DNAH5: variants seen among roughly 807,000 people sequenced by gnomAD.
DNAH5 encodes dynein axonemal heavy chain 5.
Under a neutral mutation model 518.2 loss-of-function variants are expected in DNAH5, and 372 were observed. That is an observed-to-expected ratio of 0.72 (90% confidence interval 0.66 to 0.78). DNAH5 has a LOEUF of 0.78. Among genes scored for constraint, DNAH5 ranks in the 30% least tolerant of loss-of-function variants. DNAH5 has a pLI of 0.00. For missense variants in DNAH5, 5,523 were observed against 5,687.0 expected, an observed-to-expected ratio of 0.97 and a Z score of 0.93; for synonymous variants, 2,039 against 2,025.9, an observed-to-expected ratio of 1.01 and a Z score of -0.17.
At chr5:13,847,155 T>A (rs564196782) in intron 31 of DNAH5, among the ~76,000 whole-genome samples, 1 of 152,268 alleles carries the variant, frequency 6.6e-6, no homozygotes, top group Admixed American at 6.5e-5. Flanking sequence ...TACGATCTGA[T>A]CTGTGTGAAG....
rs766264642 is a variant in DNAH5, at chr5:13,902,104, G to T, written c.1679C>A (p.Ala560Glu). The stretch of plus-strand genomic sequence containing the variant: ...AGCTTGATTTGTGTTTTGAATCTTT[G>T]CAAATGTAACATCCATGAACTTCCG... ...ELRKFMDVTF[A>E]KIQNTNQALR... is the part of the protein sequence containing the mutation. The change falls in exon 13 of 79, where the codon GCA becomes GAA. Residue 560 changes from alanine to glutamate, a missense_variant. Physicochemically the swap from Ala to Glu is moderately radical, Grantham distance 107. Around this residue, in one of 3 missense-constraint regions of DNAH5, gnomAD observed 5,121 missense variants for 5,223.3 expected, o/e 0.98. Transcript: ENST00000265104. The T allele has an allele frequency of 6.2e-7, 1 of 1,609,662 alleles. No individual in the cohort carries two copies. The highest frequency in any genetic ancestry group is 1.7e-5 in the Admixed American group (1 of 59,752).
chr5:13,778,636 A>T (rs1204370697), intron 53 of DNAH5, among the ~76,000 whole-genome samples: 1 of 151,564 alleles, frequency 6.6e-6, no homozygotes, highest in African/African-American at 2.4e-5. Flanking sequence ...AAAGAGGAAA[A>T]CATCTCACCC....
At chr5:13,765,011 T>G (rs2126756825) in intron 59 of DNAH5, among the ~76,000 whole-genome samples, 1 of 152,352 alleles carries the variant, frequency 6.6e-6, no homozygotes, top group South Asian at 2.1e-4. Context: ...TTGCTAATTC[T>G]TAGACTAAAT....
intron 74 of DNAH5, 109 bp from the exon 75 acceptor site, chr5:13,714,729 G>C (rs748238895): frequency 2.9e-5 from 30 of 1,021,106 alleles, no homozygotes; most frequent in Middle Eastern, 3.0e-4. Flanking sequence ...ATTTACTTAA[G>C]TCTTATTGGT....
intron 78 of DNAH5, among the ~76,000 whole-genome samples, chr5:13,697,682 C>G (rs1741560924): frequency 6.6e-6 from 1 of 152,162 alleles, no homozygotes; most frequent in African/African-American, 2.4e-5. Context: ...CTTTGTTATC[C>G]ACCTACACAC....
At chr5:13,802,011 A>C (rs961086352) in intron 47 of DNAH5, among the ~76,000 whole-genome samples, 3 of 152,164 alleles carry the variant, frequency 2.0e-5, no homozygotes, top group Admixed American at 6.5e-5. Context: ...TGAAATATTG[A>C]TTTAGATGAG....
chr5:13,891,226 A>G (rs944485792), intron 16 of DNAH5, 105 bp from the exon 17 acceptor site: 4 of 1,222,524 alleles, frequency 3.3e-6, no homozygotes, highest in Admixed American at 1.8e-5. Context: ...AGCTTTAAAG[A>G]TTCTCAGTTA....
At chr5:13,825,591 G>A (rs1007068202) in intron 38 of DNAH5, among the ~76,000 whole-genome samples, 9 of 152,172 alleles carry the variant, frequency 5.9e-5, no homozygotes, top group Non-Finnish European at 1.3e-4. Flanking sequence ...ATTACACTAA[G>A]TAAAATATGG....
chr5:13,965,615 A>G (rs186352055), intron 1 of DNAH5, among the ~76,000 whole-genome samples: 1 of 152,300 alleles, frequency 6.6e-6, no homozygotes, highest in Admixed American at 6.5e-5. Flanking sequence ...TCTGACAGTT[A>G]TTCAGTGGCA....
chr5:13,713,557 T>C (rs183937020), intron 75 of DNAH5, among the ~76,000 whole-genome samples: 20 of 149,422 alleles, frequency 1.3e-4, no homozygotes, highest in Non-Finnish European at 2.1e-4. Flanking sequence ...CTGGATGAGA[T>C]TGAAGACTAT....
intron 35 of DNAH5, among the ~76,000 whole-genome samples, chr5:13,837,763 C>T (rs1191581269): frequency 1.5e-5 from 2 of 130,186 alleles, no homozygotes; most frequent in African/African-American, 5.9e-5. Context: ...AGTGCGGTGG[C>T]ATGATCTTGT....
At chr5:13,979,858 T>C (rs953365915) in intron 1 of DNAH5, among the ~76,000 whole-genome samples, 4 of 150,644 alleles carry the variant, frequency 2.7e-5, no homozygotes, top group African/African-American at 7.4e-5. Flanking sequence ...TTTTTTTTTT[T>C]GAGATGGAGT....
At chr5:13,847,654 G>A (rs1766199670) in intron 31 of DNAH5, among the ~76,000 whole-genome samples, 1 of 151,726 alleles carries the variant, frequency 6.6e-6, no homozygotes, top group South Asian at 2.1e-4. Context: ...AACCTGGGAG[G>A]CGGAGGCTGC....
chr5:13,922,133 C>A lies in DNAH5; in HGVS notation c.634G>T (p.Gly212Cys). Reference sequence around the variant, plus strand: ...TTCTCCTTCAGACTCTCCTGTGCACCCGACAGGACGTTCACAAAGCCTTCC... The same window carrying A: ...TTCTCCTTCAGACTCTCCTGTGCACACGACAGGACGTTCACAAAGCCTTCC... ...SLEGFVNVLS[G>C]AQESLKEKVN... is the part of the protein sequence containing the mutation. Residue 212 changes from glycine (G) to cysteine (C), a missense_variant, in exon 5 of 79, where the codon GGT becomes TGT. By Grantham distance (159) the Gly-to-Cys change is radical (BLOSUM62 -3). This residue lies in a region of DNAH5 where 5,121 missense variants were observed against 5,223.3 expected (regional missense o/e 0.98). Coordinates refer to ENST00000265104, the MANE Select transcript of DNAH5 (RefSeq NM_001369.3). 6.2e-7 allele frequency: 1 copy of A among 1,614,028 alleles called. No individual in the cohort carries two copies. Among genetic ancestry groups the A allele is most frequent in the Non-Finnish European group, 8.5e-7 (1 of 1,179,988 alleles).
At chr5:13,826,821 G>A (rs1385652948) in intron 38 of DNAH5, among the ~76,000 whole-genome samples, 1 of 152,208 alleles carries the variant, frequency 6.6e-6, no homozygotes, top group Non-Finnish European at 1.5e-5. Context: ...GGCAGAGGTT[G>A]GAACAGTTTG....
chr5:13,941,374 T>A (rs540041022), intron 1 of DNAH5, among the ~76,000 whole-genome samples: 1 of 151,988 alleles, frequency 6.6e-6, no homozygotes, highest in South Asian at 2.1e-4. Context: ...GAAAAAAAAT[T>A]TTTAAATAGA....
chr5:13,880,539 C>A (rs377198448), intron 21 of DNAH5, among the ~76,000 whole-genome samples: 1 of 151,642 alleles, frequency 6.6e-6, no homozygotes, highest in Non-Finnish European at 1.5e-5. Flanking sequence ...AAATGTGACA[C>A]CAAAAACTTA....
chr5:13,917,399 A>T, intron 7 of DNAH5, 143 bp from the exon 8 acceptor site: 1 of 694,020 alleles, frequency 1.4e-6, no homozygotes, highest in South Asian at 1.6e-5. Flanking sequence ...GGGGCGAGAG[A>T]TATTGCTATG....
chr5:13,940,159 T>C (rs1168427274), intron 1 of DNAH5, among the ~76,000 whole-genome samples: 2 of 152,154 alleles, frequency 1.3e-5, no homozygotes, highest in African/African-American at 4.8e-5. Context: ...TGTAGGCATA[T>C]CCCGGTGTCC....
Sources: allele counts gnomAD v4.1 joint callset (sites outside exome capture counted in the v4.1 genomes callset), GRCh38; gene constraint gnomAD v4.1.1; regional missense constraint gnomAD v4.1.1; transcripts MANE v1.5; gene names NCBI Gene and HGNC (gene_info 2026-07-23, HGNC 2026-07-21).